Variants in STOX2 observed in about 807,000 individuals in gnomAD.
STOX2 encodes storkhead-box protein 2.
A neutral mutation model predicts 60.9 loss-of-function variants in STOX2; 28 were observed. The ratio of observed to expected loss-of-function variants is 0.46; its 90% CI spans 0.34 to 0.63. The LOEUF (loss-of-function observed/expected upper bound fraction) is 0.63. Among genes scored for constraint, STOX2 ranks in the 30% least tolerant of loss-of-function variants. The pLI is 0.01. For missense variants in STOX2, 1,024 were observed against 1,187.7 expected (o/e 0.86, Z 2.03); for synonymous variants, 472 against 463.9 (o/e 1.02, Z -0.22).
intron 1 of STOX2, among the ~76,000 whole-genome samples, chr4:183,958,420 C>A (rs758400396): frequency 2.4e-4 from 37 of 152,096 alleles, no homozygotes; most frequent in Non-Finnish European, 5.0e-4. Flanking sequence ...TTTAGAATTA[C>A]TATACCCATA....
At chr4:183,946,029 G>A (rs1742876697) in intron 1 of STOX2, among the ~76,000 whole-genome samples, 1 of 152,094 alleles carries the variant, frequency 6.6e-6, no homozygotes, top group Non-Finnish European at 1.5e-5. Context: ...TATGTCAATG[G>A]GCACACAGGG....
chr4:183,976,262 A>G (rs909162384), intron 1 of STOX2, among the ~76,000 whole-genome samples: 24 of 152,220 alleles, frequency 1.6e-4, no homozygotes, highest in Admixed American at 6.5e-4. Context: ...CAGTGAGCCA[A>G]GATTGCGCCA....
Position 184,010,847 on chromosome 4 carries a change from G to T in STOX2, c.2009G>T (p.Gly670Val), listed in dbSNP as rs1203658277. Residue 670 changes from glycine (G) to valine (V), a missense_variant, in exon 3 of 4, where the codon GGA becomes GTA. Gly to Val is a moderately radical substitution (Grantham distance 109). Transcript: ENST00000308497. This position sits in a 1 kb window ranked among gnomAD's most constrained non-coding sequence, Gnocchi z 4.5. Reference protein sequence around the residue: ...GPGGGPAASGGVAEGIANGRL... With the variant: ...GPGGGPAASGVVAEGIANGRL... ...GGTGGGGGCCCCGCTGCTTCGGGAG[G>T]AGTGGCTGAAGGGATCGCCAACGGA... is the stretch of plus-strand genomic sequence containing the variant. 6.2e-7 allele frequency: 1 copy of T among 1,603,060 alleles called. No individual in the cohort carries two copies. The highest frequency in any genetic ancestry group is 1.3e-5 in the African/African-American group (1 of 74,790).
intron 1 of STOX2, among the ~76,000 whole-genome samples, chr4:183,805,015 G>A (rs1032703876): frequency 6.6e-6 from 1 of 152,220 alleles, no homozygotes; most frequent in African/African-American, 2.4e-5. Context: ...AACGGTGTCT[G>A]TGTCTTGCGA....
chr4:183,860,119 G>T (rs1485593237), intron 1 of STOX2, among the ~76,000 whole-genome samples: 1 of 151,942 alleles, frequency 6.6e-6, no homozygotes, highest in Middle Eastern at 3.4e-3. Flanking sequence ...ACCTATTTAG[G>T]ATGTAGTTCA....
At chr4:183,950,123 C>G (rs75000420) in intron 1 of STOX2, among the ~76,000 whole-genome samples, 4,309 of 152,328 alleles carry the variant, frequency 0.028, 96 homozygotes, top group Non-Finnish European at 0.045. Context: ...CATTGCTATT[C>G]CAGAGAAGGG....
In STOX2 at chr4:184,023,077, C is replaced by T. The variant is rs908233419; in HGVS notation, c.*5793C>T. On this transcript the variant is annotated 3_prime_UTR_variant, in exon 4 of 4. Coordinates refer to ENST00000308497, the MANE Select transcript of STOX2 (RefSeq NM_020225.3). ...TTGCATTAGGGTAAATGAATTAAGACGTGCAAGTGGGATTTACTGTATGTT... is the reference window on the plus strand; with the variant it reads ...TTGCATTAGGGTAAATGAATTAAGATGTGCAAGTGGGATTTACTGTATGTT... The T allele has an allele frequency of 1.3e-4, 20 of 152,092 alleles. No individual in the cohort carries two copies. The highest frequency in any genetic ancestry group is 2.7e-4 in the African/African-American group (11 of 41,404). 9.4% of individuals were successfully genotyped at this position (152,092 alleles called of 1,614,324 possible).
At chr4:183,962,215 T>C (rs1743432663) in intron 1 of STOX2, among the ~76,000 whole-genome samples, 1 of 152,248 alleles carries the variant, frequency 6.6e-6, no homozygotes, top group South Asian at 2.1e-4. Flanking sequence ...GGATTTGTTA[T>C]CTTTGTTGAC....
At chr4:183,861,955 C>T (rs1480013553) in intron 1 of STOX2, among the ~76,000 whole-genome samples, 5 of 152,114 alleles carry the variant, frequency 3.3e-5, no homozygotes, top group African/African-American at 9.7e-5. Context: ...CTCATCCCTC[C>T]CCGTCCACAC....
At chr4:183,912,836 AT>A (rs1443329131) in intron 1 of STOX2, among the ~76,000 whole-genome samples, 3 of 152,222 alleles carry the variant, frequency 2.0e-5, no homozygotes, top group Non-Finnish European at 2.9e-5. Context: ...AGAAAGTTGA[AT>A]GAGGTCTCGA....
chr4:183,889,442 C>G (rs1330512945), intron 1 of STOX2, among the ~76,000 whole-genome samples: 1 of 152,208 alleles, frequency 6.6e-6, no homozygotes, highest in Admixed American at 6.5e-5. Context: ...AACAGCCCTG[C>G]TCTTAACCTT....
intron 1 of STOX2, among the ~76,000 whole-genome samples, chr4:183,909,101 G>A (rs1041480582): frequency 6.6e-6 from 1 of 152,234 alleles, no homozygotes; most frequent in Non-Finnish European, 1.5e-5. Context: ...CACCTACAAT[G>A]AAGATTGGGA....
chr4:183,858,549 G>A (rs559222272), intron 1 of STOX2, among the ~76,000 whole-genome samples: 12 of 152,146 alleles, frequency 7.9e-5, no homozygotes, highest in African/African-American at 2.9e-4. Context: ...TTACCCAAGT[G>A]GTTCATGTTC....
At chr4:183,881,492 C>G (rs2111172926) in intron 1 of STOX2, among the ~76,000 whole-genome samples, 1 of 152,188 alleles carries the variant, frequency 6.6e-6, no homozygotes, top group East Asian at 1.9e-4. Flanking sequence ...CAATGCAAAA[C>G]TCCTTCTGAA....
At chr4:183,933,752 T>G (rs879639460) in intron 1 of STOX2, among the ~76,000 whole-genome samples, 11 of 152,136 alleles carry the variant, frequency 7.2e-5, no homozygotes, top group Admixed American at 7.2e-4. Context: ...ACAATTACAT[T>G]TATGAGGTAA....
rs745695539 is a variant in STOX2 at position 183,865,190 on chromosome 4, C to T, written c.364+67135C>T. ...TCACACCTGTATGTGCATTTGTGTGCCCATGTGTTTAATCCTTGTTAGGCT... is the reference window on the plus strand; with the variant it reads ...TCACACCTGTATGTGCATTTGTGTGTCCATGTGTTTAATCCTTGTTAGGCT... On this transcript the variant is annotated intron_variant, in intron 1 of 2. Coordinates refer to the STOX2 transcript ENST00000513034. This position sits in a 1 kb window ranked among gnomAD's most constrained non-coding sequence, Gnocchi z 4.1. 5.9e-5 allele frequency among the ~76,000 whole-genome samples: 9 copies of T among 152,310 alleles called. No individual in the cohort carries two copies. Among genetic ancestry groups the T allele is most frequent in the South Asian group, 2.1e-4 (1 of 4,822 alleles).
chr4:184,013,192 T>C (rs1734233973), intron 3 of STOX2, among the ~76,000 whole-genome samples: 1 of 152,254 alleles, frequency 6.6e-6, no homozygotes, highest in Non-Finnish European at 1.5e-5. Context: ...AGTAGTTTAA[T>C]GAGTTCTAAC....
intron 1 of STOX2, among the ~76,000 whole-genome samples, chr4:183,938,468 A>AGACCAGCCT (rs950701746): frequency 1.7e-4 from 26 of 152,234 alleles, no homozygotes; most frequent in African/African-American, 5.8e-4. Flanking sequence ...CAGGAGTTTG[A>AGACCAGCCT]GACCAGCCTG....
intron 1 of STOX2, among the ~76,000 whole-genome samples, chr4:183,833,204 G>T (rs1350173404): frequency 6.6e-6 from 1 of 152,108 alleles, no homozygotes; most frequent in South Asian, 2.1e-4. Context: ...GTCAAGTCCA[G>T]ACTCTTCCTG....
Sources: allele counts gnomAD v4.1 joint callset (sites outside exome capture counted in the v4.1 genomes callset), GRCh38; gene constraint gnomAD v4.1.1; non-coding constraint Gnocchi (gnomAD v3.1); transcripts MANE v1.5; gene names NCBI Gene and HGNC (gene_info 2026-07-23, HGNC 2026-07-21).